The following EFNA4 variants were observed in gnomAD, a reference collection of about 807,000 sequenced individuals.
The protein encoded by EFNA4 is ephrin A4.
EFNA4 carries 22 observed loss-of-function variants against 23.7 expected under a neutral mutation model. The ratio of observed to expected loss-of-function variants is 0.93; its 90% CI spans 0.66 to 1.32. The LOEUF (loss-of-function observed/expected upper bound fraction) is 1.32. EFNA4 is among the 40% of genes most tolerant of loss of function. The pLI, the probability that EFNA4 is intolerant of heterozygous loss-of-function variation, is 0.00. For synonymous variants in EFNA4, 113 were observed against 108.3 expected, an observed-to-expected ratio of 1.04 and a Z score of -0.27; for missense variants, 252 against 252.3, an observed-to-expected ratio of 1.00 and a Z score of 0.01.
Position 155,063,743 on chromosome 1 carries a change from T to C in EFNA4, c.-81T>C. The C allele has an allele frequency of 1.6e-6, 2 of 1,286,774 alleles. No individual in the cohort carries two copies. Among genetic ancestry groups the C allele is most frequent in the Admixed American group, 6.7e-5 (2 of 29,946 alleles). 79.7% of individuals were successfully genotyped at this position (1,286,774 alleles called of 1,614,324 possible). A position where few individuals can be genotyped will look rare whatever the true frequency, so the allele number is the denominator to read the frequency against. Reference sequence around the variant, plus strand: ...CCCACTCCCCTTTCCGCAACTTCCCTCTTCACTTTGTACCTTTCTCTCCTC... The same window carrying C: ...CCCACTCCCCTTTCCGCAACTTCCCCCTTCACTTTGTACCTTTCTCTCCTC... On this transcript the variant is annotated 5_prime_UTR_variant, in exon 1 of 4. Coordinates refer to ENST00000368409, the MANE Select transcript of EFNA4 (RefSeq NM_005227.3). The surrounding 1 kb of genome is among the most constrained non-coding windows in gnomAD (Gnocchi z 4.1).
intron 3 of EFNA4, 131 bp from the exon 4 acceptor site, chr1:155,068,722 G>T: frequency 4.0e-6 from 4 of 1,008,276 alleles, no homozygotes; most frequent in South Asian, 1.7e-5. Flanking sequence ...TGAGGTCATA[G>T]ATCATGGGAA....
At chr1:155,067,295 G>A in intron 2 of EFNA4, 77 bp from the exon 3 acceptor site, 1 of 1,542,154 alleles carries the variant, frequency 6.5e-7, no homozygotes, top group Non-Finnish European at 9.0e-7. Flanking sequence ...AGAAAACCTG[G>A]GAGGGTCTGA....
At position 155,068,932 on chromosome 1, in the gene EFNA4, C is replaced by G. The variant is rs778681147; in HGVS notation, c.549C>G (p.Pro183=). The stretch of plus-strand genomic sequence containing the variant: ...GGCGAGGGGGGGACACTCCCAGCCC[C>G]CTCTGTCTCTTGCTATTACTGCTGC... ...SGWRGGDTPS[P]LCLLLLLLLL... The change falls in exon 4 of 4, where the codon CCC becomes CCG. Residue 183 remains proline (P), a synonymous_variant. Coordinates refer to ENST00000368409, the MANE Select transcript of EFNA4 (RefSeq NM_005227.3). 1.2e-6 allele frequency: 2 copies of G among 1,614,016 alleles called. No individual in the cohort carries two copies. Among genetic ancestry groups the G allele is most frequent in the South Asian group, 2.2e-5 (2 of 91,070 alleles).
intron 1 of EFNA4, among the ~76,000 whole-genome samples, chr1:155,064,521 A>G (rs1662945301): frequency 1.3e-5 from 2 of 152,262 alleles, no homozygotes; most frequent in South Asian, 4.1e-4. Context: ...CACCTGTATA[A>G]TGGGCTAATA....
intron 1 of EFNA4, among the ~76,000 whole-genome samples, chr1:155,065,889 C>G (rs1398043505): frequency 6.6e-6 from 1 of 152,032 alleles, no homozygotes; most frequent in Non-Finnish European, 1.5e-5. Context: ...CCCGCCACCA[C>G]GCCCGGCTAG....
In EFNA4 at chr1:155,067,430, C is replaced by T; in HGVS notation, c.459C>T (p.Cys153=). 6.2e-7 allele frequency: 1 copy of T among 1,614,130 alleles called. No homozygotes were observed. The highest frequency in any genetic ancestry group is 1.1e-5 in the South Asian group (1 of 91,080). Residue 153 remains cysteine (C), a synonymous_variant, in exon 3 of 4, where the codon TGC becomes TGT. Coordinates refer to ENST00000368409, the MANE Select transcript of EFNA4 (RefSeq NM_005227.3). ...QCLRLQVSVC[C]KERKSESAHP... ...TGAGGCTCCAGGTGTCTGTCTGCTG[C>T]AAGGAGAGGAGTAAGTGGGTTGGGA...
At position 155,063,792 on chromosome 1, in the gene EFNA4, G is replaced by T; in HGVS notation, c.-32G>T. 1.3e-6 allele frequency: 2 copies of T among 1,498,058 alleles called. No homozygotes were observed. Among genetic ancestry groups the T allele is most frequent in the Non-Finnish European group, 1.8e-6 (2 of 1,123,846 alleles). 92.8% of individuals were successfully genotyped at this position (1,498,058 alleles called of 1,614,324 possible). On this transcript the variant is annotated 5_prime_UTR_variant, in exon 1 of 4. Coordinates refer to ENST00000368409, the MANE Select transcript of EFNA4 (RefSeq NM_005227.3). This position sits in a 1 kb window ranked among gnomAD's most constrained non-coding sequence, Gnocchi z 4.1. ...TCGACTGTGAAGCGGGCCGGGACCT[G>T]CCAGGCCAGACCAAACCGGACCTCG...
At chr1:155,065,520 C>T (rs1564124) in intron 1 of EFNA4, among the ~76,000 whole-genome samples, 62,799 of 149,676 alleles carry the variant, frequency 0.42, 14,616 homozygotes, top group East Asian at 0.9. Context: ...CACCCACTCC[C>T]TCATTCTTTT....
Position 155,063,923 on chromosome 1 carries a change from TC to T in EFNA4, c.102del (p.Ser35ValfsTer20). On this transcript the variant is annotated frameshift_variant, in exon 1 of 4. Coordinates refer to ENST00000368409, the MANE Select transcript of EFNA4 (RefSeq NM_005227.3). LOFTEE classifies it high-confidence loss of function. This position sits in a 1 kb window ranked among gnomAD's most constrained non-coding sequence, Gnocchi z 4.1. ...SSLRHVVYWN[S>X]SNPRLLRGDA... Reference sequence around the variant, plus strand: ...CCTCCGCCACGTAGTCTACTGGAACTCCAGTAACCCCAGGTAGCCGGGCCGA... The same window carrying T: ...CCTCCGCCACGTAGTCTACTGGAACTCAGTAACCCCAGGTAGCCGGGCCGA... 2 of 1,564,188 alleles carry T rather than the reference TC, an allele frequency of 1.3e-6. No homozygotes were observed. Among genetic ancestry groups the T allele is most frequent in the South Asian group, 1.2e-5 (1 of 84,666 alleles).
At position 155,067,745 on chromosome 1, in the gene EFNA4, C is replaced by T. The variant is rs560964516; in HGVS notation, c.469+305C>T. Among the ~76,000 whole-genome samples the T allele has an allele frequency of 5.6e-4, 85 of 152,194 alleles. No homozygotes were observed. In the East Asian group the frequency reaches 0.016, roughly 28 times the overall value. Reference sequence around the variant, plus strand: ...CACGCCATTCTCCTGCCTCAGCCTCCGGAGTAGCTGGGACTACAGGCACCC... The same window carrying T: ...CACGCCATTCTCCTGCCTCAGCCTCTGGAGTAGCTGGGACTACAGGCACCC... On this transcript the variant is annotated intron_variant, in intron 3 of 3. Transcript: ENST00000368409.
At chr1:155,064,188 G>A (rs1662921792) in intron 1 of EFNA4, among the ~76,000 whole-genome samples, 1 of 152,234 alleles carries the variant, frequency 6.6e-6, no homozygotes, top group South Asian at 2.1e-4. Context: ...CTTGGAGCAT[G>A]GAGCTGGGGG....
chr1:155,068,023 C>T (rs1012309360), intron 3 of EFNA4, among the ~76,000 whole-genome samples: 1 of 152,140 alleles, frequency 6.6e-6, no homozygotes. Context: ...TGGGTTCAAG[C>T]GATTCTCCTG....
intron 3 of EFNA4, among the ~76,000 whole-genome samples, chr1:155,068,049 T>C (rs1219322227): frequency 6.6e-6 from 1 of 152,132 alleles, no homozygotes; most frequent in African/African-American, 2.4e-5. Context: ...GCTTCCCGAG[T>C]AGCTGGGATT....
intron 1 of EFNA4, among the ~76,000 whole-genome samples, chr1:155,066,219 A>C (rs1459190093): frequency 6.6e-6 from 1 of 152,184 alleles, no homozygotes; most frequent in Non-Finnish European, 1.5e-5. Context: ...GGTTGAAGTC[A>C]GTCTAAAGGA....
chr1:155,067,609 TC>T (rs1424253942), intron 3 of EFNA4, among the ~76,000 whole-genome samples, 169 bp downstream of exon 3: 1 of 152,162 alleles, frequency 6.6e-6, no homozygotes, highest in Non-Finnish European at 1.5e-5. Flanking sequence ...CACCATCCTC[TC>T]CCCACTTCTG....
At position 155,068,871 on chromosome 1, in the gene EFNA4, C is replaced by T. The variant is rs1364547456; in HGVS notation, c.488C>T (p.Pro163Leu). The T allele has an allele frequency of 6.2e-7, 1 of 1,613,384 alleles. No homozygotes were observed. The highest frequency in any genetic ancestry group is 2.2e-5 in the East Asian group (1 of 44,868). ...CTCACAGAGTCTGAGTCAGCCCATCCTGTTGGGAGCCCTGGAGAGAGTGGC... is the reference window on the plus strand; with the variant it reads ...CTCACAGAGTCTGAGTCAGCCCATCTTGTTGGGAGCCCTGGAGAGAGTGGC... Reference protein sequence around the residue: ...CKERKSESAHPVGSPGESGTS... With the variant: ...CKERKSESAHLVGSPGESGTS... Residue 163 changes from proline (P) to leucine (L), a missense_variant, in exon 4 of 4, where the codon CCT becomes CTT. Coordinates refer to ENST00000368409, the MANE Select transcript of EFNA4 (RefSeq NM_005227.3).
In EFNA4 at chr1:155,063,968, C is replaced by T. The variant is rs1038524212; in HGVS notation, c.113+32C>T. 3.3e-6 allele frequency: 5 copies of T among 1,503,570 alleles called. No individual in the cohort carries two copies. Among genetic ancestry groups the T allele is most frequent in the Non-Finnish European group, 4.5e-6 (5 of 1,121,058 alleles). 93.1% of individuals were successfully genotyped at this position (1,503,570 alleles called of 1,614,324 possible). On this transcript the variant is annotated intron_variant, in intron 1 of 3. Transcript: ENST00000368409. The surrounding 1 kb of genome is among the most constrained non-coding windows in gnomAD (Gnocchi z 4.1). ...GGGCCGAACCGGGCGAGCGCACAGCCAAGTCTGCGCGCTCCCGGGCTTTGC... is the reference window on the plus strand; with the variant it reads ...GGGCCGAACCGGGCGAGCGCACAGCTAAGTCTGCGCGCTCCCGGGCTTTGC...
At chr1:155,065,393 CAGGCAGCTCCCAAG>C (rs1662989890) in intron 1 of EFNA4, among the ~76,000 whole-genome samples, 1 of 152,114 alleles carries the variant, frequency 6.6e-6, no homozygotes, top group African/African-American at 2.4e-5. Flanking sequence ...CTGGCTTCCC[CAGGCAGCTCCCAAG>C]AGGTGGGGAA....
intron 1 of EFNA4, among the ~76,000 whole-genome samples, chr1:155,065,151 A>C (rs561773194): frequency 1.3e-5 from 2 of 152,342 alleles, no homozygotes; most frequent in African/African-American, 4.8e-5. Flanking sequence ...CGGGGGATGC[A>C]GTAGAACAAA....
Sources: allele counts gnomAD v4.1 joint callset (sites outside exome capture counted in the v4.1 genomes callset), GRCh38; gene constraint gnomAD v4.1.1; non-coding constraint Gnocchi (gnomAD v3.1); transcripts MANE v1.5; gene names NCBI Gene and HGNC (gene_info 2026-07-23, HGNC 2026-07-21).